CAST: variants seen among roughly 807,000 people sequenced by gnomAD.
CAST encodes the protein calpastatin, also known as MIR583 host.
Under a neutral mutation model 119.6 loss-of-function variants are expected in CAST, and 76 were observed. The ratio of observed to expected loss-of-function variants is 0.64; its 90% CI spans 0.53 to 0.77. CAST has a LOEUF of 0.77. CAST is among the 30% of genes least tolerant of loss of function. The probability of loss-of-function intolerance (pLI) is 0.00; values close to 1 mark genes in which losing one functional copy is unlikely to be tolerated. For synonymous variants in CAST, 319 were observed against 331.6 expected (o/e 0.96, Z 0.41); for missense variants, 953 against 946.5 (o/e 1.01, Z -0.09).
the CAST span, among the ~76,000 whole-genome samples, chr5:96,389,918 G>C: frequency 6.6e-6 from 1 of 151,962 alleles, no homozygotes; most frequent in African/African-American, 2.4e-5. Flanking sequence ...CCGGGCAAAA[G>C]AGTGAGACTC....
the CAST span, among the ~76,000 whole-genome samples, chr5:96,179,120 A>G: frequency 6.6e-6 from 1 of 152,170 alleles, no homozygotes; most frequent in Non-Finnish European, 1.5e-5. Context: ...TCCTTTACAA[A>G]TAAGCCTGCT....
Position 96,534,688 on chromosome 5 carries a change from G to GAGGAGGGAAGGAAGGAAGGAAGGAAGGA in CAST, c.60+4812_60+4813insGGGAAGGAAGGAAGGAAGGAAGGAAGGA, listed in dbSNP as rs764479104. On this transcript the variant is annotated intron_variant, in intron 1 of 11. Transcript: ENST00000505143. Reference sequence around the variant, plus strand: ...CATCAAAGAAAGAAAGAGAGAGAGAGAGGAAGGAAGGAAGGAAGGAAGGAA... The same window carrying GAGGAGGGAAGGAAGGAAGGAAGGAAGGA: ...CATCAAAGAAAGAAAGAGAGAGAGAGAGGAGGGAAGGAAGGAAGGAAGGAAGGAAGGAAGGAAGGAAGGAAGGAAGGAA... Among the ~76,000 whole-genome samples, 185 of 36,954 alleles carry GAGGAGGGAAGGAAGGAAGGAAGGAAGGA rather than the reference G, an allele frequency of 5.0e-3. 29 individuals carry two copies. Among genetic ancestry groups the GAGGAGGGAAGGAAGGAAGGAAGGAAGGA allele is most frequent in the East Asian group, 8.9e-3 (4 of 448 alleles). 24.2% of individuals were successfully genotyped at this position (36,954 alleles called of 152,430 possible). A position where few individuals can be genotyped will look rare whatever the true frequency, so the allele number is the denominator to read the frequency against.
At chr5:96,012,263 T>C in the CAST span, among the ~76,000 whole-genome samples, 1 of 152,138 alleles carries the variant, frequency 6.6e-6, no homozygotes, top group East Asian at 1.9e-4. Context: ...GAAACTTTAA[T>C]CAATCAGTCT....
intron 1 of CAST, among the ~76,000 whole-genome samples, chr5:96,651,058 A>G (rs976411234): frequency 1.9e-4 from 29 of 151,444 alleles, no homozygotes; most frequent in African/African-American, 6.8e-4. Context: ...AACATTCTGG[A>G]GAAAAAAAAT....
the CAST span, among the ~76,000 whole-genome samples, chr5:96,222,584 T>G: frequency 6.6e-6 from 1 of 152,112 alleles, no homozygotes; most frequent in Non-Finnish European, 1.5e-5. Flanking sequence ...CCAGTCAGAA[T>G]GACTATTATT....
intron 1 of CAST, among the ~76,000 whole-genome samples, chr5:96,597,956 C>T (rs907121831): frequency 1.8e-4 from 27 of 151,786 alleles, no homozygotes; most frequent in African/African-American, 6.5e-4. Context: ...GGGGGAGAGG[C>T]CAGCAGTACT....
intron 1 of CAST, among the ~76,000 whole-genome samples, chr5:96,581,670 C>A (rs1746770796): frequency 6.6e-6 from 1 of 152,130 alleles, no homozygotes; most frequent in East Asian, 1.9e-4. Flanking sequence ...ACGGGCGGAT[C>A]ACAAGGTCAG....
the CAST span, among the ~76,000 whole-genome samples, chr5:96,291,404 G>C: frequency 1.3e-5 from 2 of 152,148 alleles, no homozygotes; most frequent in Non-Finnish European, 2.9e-5. Flanking sequence ...ATTCTCTTTG[G>C]AGAATAGAAT....
At chr5:96,130,267 A>C in the CAST span, among the ~76,000 whole-genome samples, 1 of 152,016 alleles carries the variant, frequency 6.6e-6, no homozygotes. Context: ...TGTGAAAAAA[A>C]TCAGACAAAT....
the CAST span, among the ~76,000 whole-genome samples, chr5:96,034,432 T>C: frequency 1.4e-5 from 2 of 141,100 alleles, no homozygotes; most frequent in Admixed American, 1.5e-4. Context: ...TACCATAAGA[T>C]CCAGCAATCC....
chr5:96,434,852 T>C, the CAST span, among the ~76,000 whole-genome samples: 2 of 152,208 alleles, frequency 1.3e-5, no homozygotes, highest in Non-Finnish European at 2.9e-5. Context: ...ACATAATTTC[T>C]TTAAACATAA....
intron 1 of CAST, among the ~76,000 whole-genome samples, chr5:96,533,450 T>A (rs1379279434): frequency 1.3e-5 from 2 of 152,200 alleles, no homozygotes; most frequent in African/African-American, 4.8e-5. Context: ...AGAACACCAA[T>A]AACTTTTCAG....
chr5:96,712,140 C>A (rs556631551), intron 3 of CAST, among the ~76,000 whole-genome samples: 1 of 152,160 alleles, frequency 6.6e-6, no homozygotes, highest in Non-Finnish European at 1.5e-5. Flanking sequence ...TGTGTTCTAT[C>A]TATTCCACTG....
chr5:96,447,436 C>A, the CAST span, among the ~76,000 whole-genome samples: 1 of 152,198 alleles, frequency 6.6e-6, no homozygotes, highest in Non-Finnish European at 1.5e-5. Context: ...TACATATACC[C>A]AGCACACACA....
the CAST span, among the ~76,000 whole-genome samples, chr5:96,056,620 C>T: frequency 6.6e-6 from 1 of 152,222 alleles, no homozygotes; most frequent in South Asian, 2.1e-4. Context: ...TATTATTTGT[C>T]CATGCTTCTG....
intron 1 of CAST, among the ~76,000 whole-genome samples, chr5:96,561,061 A>G (rs1204740946): frequency 6.6e-6 from 1 of 152,164 alleles, no homozygotes; most frequent in Non-Finnish European, 1.5e-5. Flanking sequence ...AGGGACATGG[A>G]TGAAGCTGGA....
At chr5:96,122,857 A>C in the CAST span, among the ~76,000 whole-genome samples, 1 of 152,158 alleles carries the variant, frequency 6.6e-6, no homozygotes, top group Non-Finnish European at 1.5e-5. Context: ...GAGGTCAAAT[A>C]AAGTAACTGT....
intron 3 of CAST, among the ~76,000 whole-genome samples, chr5:96,712,613 G>A (rs752637673): frequency 1.8e-4 from 28 of 152,212 alleles, no homozygotes; most frequent in Non-Finnish European, 4.1e-4. Flanking sequence ...ATAGGCATGA[G>A]CCACTGTGCC....
the CAST span, among the ~76,000 whole-genome samples, chr5:96,324,065 GCAGATGGCCTT>G: frequency 6.6e-6 from 1 of 151,970 alleles, no homozygotes; most frequent in Admixed American, 6.6e-5. Flanking sequence ...TTATTTTTTA[GCAGATGGCCTT>G]CAGATACTAA....
Sources: gnomAD v4.1 joint callset for allele counts (sites outside exome capture counted in the v4.1 genomes callset) on GRCh38, gnomAD v4.1.1 for gene constraint, MANE v1.5 for transcripts, NCBI Gene and HGNC (gene_info 2026-07-23, HGNC 2026-07-21) for gene names.